The following PTPRN2 variants were observed in gnomAD, a reference collection of about 807,000 sequenced individuals.
PTPRN2 encodes receptor-type tyrosine-protein phosphatase N2.
PTPRN2 carries 74 observed loss-of-function variants against 118.8 expected under a neutral mutation model. The ratio of observed to expected loss-of-function variants is 0.62; its 90% CI spans 0.52 to 0.76. The LOEUF (loss-of-function observed/expected upper bound fraction) is 0.76, where lower values mean the gene tolerates loss of function less well. Among genes scored for constraint, PTPRN2 ranks in the 30% least tolerant of loss-of-function variants. The probability of loss-of-function intolerance (pLI) is 0.00; values close to 1 mark genes in which losing one functional copy is unlikely to be tolerated. For missense variants in PTPRN2, 1,481 were observed against 1,394.4 expected (o/e 1.06, Z -0.99); for synonymous variants, 641 against 608.0 (o/e 1.05, Z -0.80).
intron 22 of PTPRN2, among the ~76,000 whole-genome samples, chr7:157,544,892 AGGTGTGTGTG>A (rs573558401): frequency 0.022 from 3,312 of 147,742 alleles, 52 homozygotes; most frequent in Non-Finnish European, 0.036. Flanking sequence ...GTGGGTGTGT[AGGTGTGTGTG>A]GGTGTGTGCA....
At chr7:157,832,615 T>C (rs1367176447) in intron 12 of PTPRN2, among the ~76,000 whole-genome samples, 2 of 151,746 alleles carry the variant, frequency 1.3e-5, no homozygotes, top group African/African-American at 2.4e-5. Context: ...AAAAAAGAAA[T>C]GGAAACACGA....
At position 158,352,153 on chromosome 7, in the gene PTPRN2, A is replaced by T. The variant is rs1375198142; in HGVS notation, c.164-35221T>A. Among the ~76,000 whole-genome samples, 5 of 3,890 alleles carry T rather than the reference A, an allele frequency of 1.3e-3. 1 individual carries two copies. Among genetic ancestry groups the T allele is most frequent in the African/African-American group, 3.1e-3 (1 of 324 alleles). The allele number at this position is 3,890 out of a possible 152,430, so 2.6% of individuals were successfully genotyped here. On this transcript the variant is annotated intron_variant, in intron 2 of 22. Transcript: ENST00000389418. ...TCCCCTCCTGTCCGCTCCCCTCCTG[A>T]CTGCTCCCCTCCTGACCGCTCCCCT...
intron 2 of PTPRN2, among the ~76,000 whole-genome samples, chr7:158,453,792 A>G (rs73729621): frequency 2.3e-3 from 357 of 152,392 alleles, no homozygotes; most frequent in African/African-American, 8.2e-3. Context: ...GACCATGTGC[A>G]GGGAACCGAC....
At chr7:158,262,718 T>G (rs1797549323) in intron 3 of PTPRN2, among the ~76,000 whole-genome samples, 1 of 125,466 alleles carries the variant, frequency 8.0e-6, no homozygotes, top group South Asian at 2.7e-4. Flanking sequence ...TTCACACACA[T>G]TGCGCACACA....
chr7:158,266,968 T>C (rs549879394), intron 3 of PTPRN2, among the ~76,000 whole-genome samples: 1 of 152,216 alleles, frequency 6.6e-6, no homozygotes, highest in African/African-American at 2.4e-5. Flanking sequence ...CTCCCACGTC[T>C]ACATCCAAGA....
rs373272832 is a variant in PTPRN2, at chr7:157,735,059, G to A, written c.1789-52122C>T. Among the ~76,000 whole-genome samples, 312 of 152,372 alleles carry A rather than the reference G, an allele frequency of 2.0e-3. 1 individual carries two copies. The highest frequency in any genetic ancestry group is 6.7e-3 in the African/African-American group (278 of 41,592). On this transcript the variant is annotated intron_variant, in intron 12 of 22. Coordinates refer to ENST00000389418, the MANE Select transcript of PTPRN2 (RefSeq NM_002847.5). ...GACGGTTAGTGGTGCCGCTGGCACC[G>A]AGAGCACCTGGCCTGGTGGACCTGT...
At chr7:157,945,213 C>T (rs1800396249) in intron 11 of PTPRN2, among the ~76,000 whole-genome samples, 1 of 152,176 alleles carries the variant, frequency 6.6e-6, no homozygotes, top group Non-Finnish European at 1.5e-5. Context: ...GCACCTCCTG[C>T]CAGAGTGACC....
intron 2 of PTPRN2, among the ~76,000 whole-genome samples, chr7:158,446,954 C>A (rs1353913431): frequency 2.6e-5 from 4 of 152,170 alleles, no homozygotes; most frequent in Non-Finnish European, 5.9e-5. Flanking sequence ...AGGGTCATCA[C>A]AATATGACCA....
intron 13 of PTPRN2, among the ~76,000 whole-genome samples, chr7:157,672,960 C>A (rs752473538): frequency 2.0e-5 from 3 of 152,212 alleles, no homozygotes; most frequent in Non-Finnish European, 4.4e-5. Context: ...GCATTATTAT[C>A]CTGTACATTA....
At chr7:157,559,286 G>T (rs1799060912) in intron 21 of PTPRN2, among the ~76,000 whole-genome samples, 1 of 152,218 alleles carries the variant, frequency 6.6e-6, no homozygotes, top group Non-Finnish European at 1.5e-5. Context: ...CAGCCCCTCA[G>T]GGTCTGGACG....
Position 157,944,413 on chromosome 7 carries a change from T to C in PTPRN2, c.1724-45676A>G, listed in dbSNP as rs1227792244. 2.0e-5 allele frequency among the ~76,000 whole-genome samples: 3 copies of C among 152,214 alleles called. No homozygotes were observed. The highest frequency in any genetic ancestry group is 2.9e-5 in the Non-Finnish European group (2 of 68,044). The stretch of plus-strand genomic sequence containing the variant: ...GGGTAGAGCAATTCATTTGAATTAA[T>C]GTGTTAAGTGGCACAAATATGTGTT... On this transcript the variant is annotated intron_variant, in intron 11 of 22. Transcript: ENST00000389418. This position sits in a 1 kb window ranked among gnomAD's most constrained non-coding sequence, Gnocchi z 4.3.
chr7:158,521,346 A>G (rs540153747), intron 1 of PTPRN2, among the ~76,000 whole-genome samples: 11 of 152,352 alleles, frequency 7.2e-5, no homozygotes, highest in Middle Eastern at 3.4e-3. Flanking sequence ...TTGCTGAGTT[A>G]GAGACAGTAC....
intron 12 of PTPRN2, among the ~76,000 whole-genome samples, chr7:157,741,716 G>C (rs554118416): frequency 1.3e-5 from 2 of 152,280 alleles, no homozygotes; most frequent in Non-Finnish European, 2.9e-5. Context: ...CAACTGTTTG[G>C]CCAAACCATA....
At chr7:158,199,923 G>A (rs1487609644) in intron 4 of PTPRN2, among the ~76,000 whole-genome samples, 2 of 152,072 alleles carry the variant, frequency 1.3e-5, no homozygotes, top group African/African-American at 2.4e-5. Flanking sequence ...CCTTTAATGA[G>A]GAATGAAACA....
intron 1 of PTPRN2, chr7:158,541,566 G>A: frequency 1.5e-6 from 2 of 1,352,088 alleles, no homozygotes; most frequent in Non-Finnish European, 2.0e-6. Context: ...AGGAAAGCTG[G>A]CTTCGGTTCT....
intron 11 of PTPRN2, among the ~76,000 whole-genome samples, chr7:157,998,467 G>C (rs1174063183): frequency 1.3e-5 from 2 of 152,196 alleles, no homozygotes; most frequent in Non-Finnish European, 2.9e-5. Context: ...CCCGTGTCCA[G>C]CCTCCAACGT....
At chr7:158,036,154 A>G (rs28623211) in intron 11 of PTPRN2, among the ~76,000 whole-genome samples, 11,936 of 152,312 alleles carry the variant, frequency 0.078, 744 homozygotes, top group African/African-American at 0.17. Context: ...GGGCATAACA[A>G]TAACATATAC....
chr7:158,336,396 A>G (rs1805536385), intron 2 of PTPRN2, among the ~76,000 whole-genome samples: 1 of 135,750 alleles, frequency 7.4e-6, no homozygotes, highest in Non-Finnish European at 1.6e-5. Flanking sequence ...CGTCACTCAC[A>G]CCCACACTCT....
At chr7:158,149,118 C>A (rs1820595486) in intron 6 of PTPRN2, among the ~76,000 whole-genome samples, 2 of 150,770 alleles carry the variant, frequency 1.3e-5, no homozygotes, top group Non-Finnish European at 3.0e-5. Context: ...CTTTCCCCCT[C>A]AATGACACCC....
Sources: allele counts gnomAD v4.1 joint callset (sites outside exome capture counted in the v4.1 genomes callset), GRCh38; gene constraint gnomAD v4.1.1; non-coding constraint Gnocchi (gnomAD v3.1); transcripts MANE v1.5; gene names NCBI Gene and HGNC (gene_info 2026-07-23, HGNC 2026-07-21).